GOLGA1: variants seen among roughly 807,000 people sequenced by gnomAD.
The protein encoded by GOLGA1 is golgin subfamily A member 1.
A neutral mutation model predicts 119.7 loss-of-function variants in GOLGA1; 63 were observed. The ratio of observed to expected loss-of-function variants is 0.53; its 90% CI spans 0.43 to 0.65. The LOEUF is 0.65. Ranked by LOEUF, GOLGA1 falls within the 30% of genes least tolerant of loss-of-function variation. The probability of loss-of-function intolerance (pLI) is 0.00; values close to 1 mark genes in which losing one functional copy is unlikely to be tolerated. For missense variants in GOLGA1, 798 were observed against 912.8 expected, an observed-to-expected ratio of 0.87 and a Z score of 1.62; for synonymous variants, 318 against 333.4, an observed-to-expected ratio of 0.95 and a Z score of 0.50.
chr9:124,882,652 TC>T lies in GOLGA1; in HGVS notation c.1906-84del, dbSNP rs1444653900. ...AAACAGACCCGAAGATCCCACGGGA[TC>T]CCCTGTACACCTGTGAGGAGCCTCT... On this transcript the variant is annotated intron_variant, in intron 19 of 22. Coordinates refer to ENST00000373555, the MANE Select transcript of GOLGA1 (RefSeq NM_002077.4). 17 of 1,085,958 alleles carry T rather than the reference TC, an allele frequency of 1.6e-5. No individual in the cohort carries two copies. The African/African-American group carries it at 2.3e-4, about 15-fold the overall frequency. 67.3% of individuals were successfully genotyped at this position (1,085,958 alleles called of 1,614,324 possible). A position where few individuals can be genotyped will look rare whatever the true frequency, so the allele number is the denominator to read the frequency against.
At chr9:124,937,189 C>T (rs7872498) in intron 3 of GOLGA1, among the ~76,000 whole-genome samples, 81,357 of 152,036 alleles carry the variant, frequency 0.54, 22,561 homozygotes, top group Non-Finnish European at 0.58. Context: ...TGTGGTGGCT[C>T]ACCCCTGTAA....
At position 124,925,791 on chromosome 9, in the gene GOLGA1, A is replaced by T. The variant is rs80138641; in HGVS notation, c.432+918T>A. Among the ~76,000 whole-genome samples the T allele has an allele frequency of 4.8e-3, 728 of 152,330 alleles. 6 individuals are homozygous for T. Among genetic ancestry groups the T allele is most frequent in the African/African-American group, 0.016 (677 of 41,570 alleles). ...GAAAGTAAAGTTAACTTGGTGTTTT[A>T]TGGAAAAAAAATAGTTGACACTAAT... On this transcript the variant is annotated intron_variant, in intron 7 of 22. Transcript: ENST00000373555.
chr9:124,886,576 C>T (rs574241903), intron 19 of GOLGA1, among the ~76,000 whole-genome samples: 5 of 152,110 alleles, frequency 3.3e-5, no homozygotes, highest in South Asian at 4.2e-4. Context: ...CATGTCAGCA[C>T]GGCAGGTGAG....
At chr9:124,929,996 A>G (rs1405276586) in intron 4 of GOLGA1, among the ~76,000 whole-genome samples, 4 of 152,158 alleles carry the variant, frequency 2.6e-5, no homozygotes, top group Admixed American at 1.3e-4. Flanking sequence ...GATGATATTA[A>G]TTGTACCTAC....
intron 10 of GOLGA1, among the ~76,000 whole-genome samples, chr9:124,912,643 C>T (rs1036469290): frequency 2.4e-4 from 36 of 152,230 alleles, no homozygotes; most frequent in African/African-American, 6.5e-4. Context: ...CCTGGGTTTA[C>T]GCCATTCTCC....
chr9:124,939,174 C>T (rs1206870158), intron 2 of GOLGA1, among the ~76,000 whole-genome samples: 2 of 151,642 alleles, frequency 1.3e-5, no homozygotes, highest in African/African-American at 4.9e-5. Context: ...TTGGCTATGA[C>T]ATATAACACA....
At chr9:124,927,616 T>C (rs1244640053) in intron 6 of GOLGA1, among the ~76,000 whole-genome samples, 5 of 152,246 alleles carry the variant, frequency 3.3e-5, no homozygotes, top group Admixed American at 2.0e-4. Flanking sequence ...ATCTATTATT[T>C]TGAACAAAAT....
intron 3 of GOLGA1, among the ~76,000 whole-genome samples, chr9:124,933,508 C>T (rs1247746719): frequency 6.6e-6 from 1 of 152,092 alleles, no homozygotes; most frequent in Non-Finnish European, 1.5e-5. Flanking sequence ...GTAACCTCTG[C>T]CTCTTGGGTT....
chr9:124,919,241 C>G (rs997269508), intron 10 of GOLGA1, among the ~76,000 whole-genome samples: 3 of 151,452 alleles, frequency 2.0e-5, no homozygotes, highest in Non-Finnish European at 4.4e-5. Flanking sequence ...GGTGAAAGAG[C>G]AAGACCGTGT....
chr9:124,883,998 A>G (rs760677003), intron 19 of GOLGA1, among the ~76,000 whole-genome samples: 6 of 152,040 alleles, frequency 3.9e-5, no homozygotes, highest in Admixed American at 6.6e-5. Flanking sequence ...TAAAAACTTC[A>G]TAATATAGGG....
At chr9:124,928,957 A>C (rs1314353564) in intron 5 of GOLGA1, among the ~76,000 whole-genome samples, 3 of 152,178 alleles carry the variant, frequency 2.0e-5, no homozygotes, top group African/African-American at 7.2e-5. Flanking sequence ...GGGTAGCCTA[A>C]ATAAAGGGGT....
upstream of GOLGA1, chr9:124,945,007 A>C (rs376947604): frequency 6.6e-6 from 1 of 152,328 alleles, no homozygotes; most frequent in Admixed American, 6.5e-5. Context: ...CTAGGAGAAA[A>C]GTATAAAACC....
chr9:124,909,374 G>A (rs568539791), intron 11 of GOLGA1, among the ~76,000 whole-genome samples: 3 of 151,616 alleles, frequency 2.0e-5, no homozygotes, highest in African/African-American at 7.3e-5. Context: ...TTGGGAAGCC[G>A]ACGTGGACAG....
At chr9:124,914,713 T>C (rs1253764386) in intron 10 of GOLGA1, among the ~76,000 whole-genome samples, 8 of 152,220 alleles carry the variant, frequency 5.3e-5, no homozygotes, top group Non-Finnish European at 1.2e-4. Context: ...AAACTGAAGC[T>C]TAGGGACTAG....
chr9:124,924,740 G>T (rs374878778), intron 7 of GOLGA1, among the ~76,000 whole-genome samples: 3 of 144,206 alleles, frequency 2.1e-5, no homozygotes, highest in Admixed American at 6.9e-5. Flanking sequence ...AAACTTTAAC[G>T]ATGAAAAGTA....
In GOLGA1 at chr9:124,929,220, C is replaced by T. The variant is rs752609254; in HGVS notation, c.297G>A (p.Gln99=). 4 of 1,579,962 alleles carry T rather than the reference C, an allele frequency of 2.5e-6. No individual in the cohort carries two copies. Among genetic ancestry groups the T allele is most frequent in the South Asian group, 2.2e-5 (2 of 90,398 alleles). Residue 99 remains glutamine, a synonymous_variant, in exon 5 of 23, where the codon CAG becomes CAA. Transcript: ENST00000373555. ...EKLEIALEKH[Q]DSSMRKFQEQ... is the part of the protein sequence containing the mutation. The stretch of plus-strand genomic sequence containing the variant: ...AAGCAGGAAAAAAATACGTACAATC[C>T]TGGTGTTTTTCTAATGCAATTTCAA...
intron 12 of GOLGA1, among the ~76,000 whole-genome samples, chr9:124,905,798 T>C (rs1830214606): frequency 6.6e-6 from 1 of 152,148 alleles, no homozygotes; most frequent in South Asian, 2.1e-4. Flanking sequence ...GGCAGTTCTC[T>C]AGAATAACCA....
chr9:124,919,194 C>T (rs747225402), intron 10 of GOLGA1, among the ~76,000 whole-genome samples: 1 of 152,044 alleles, frequency 6.6e-6, no homozygotes, highest in East Asian at 1.9e-4. Context: ...GAGGCTGAGG[C>T]TGCAGTGAGC....
Position 124,928,332 on chromosome 9 carries a change from C to T in GOLGA1, c.302-47G>A, listed in dbSNP as rs542478328. 4.0e-5 allele frequency: 40 copies of T among 996,458 alleles called. 1 individual carries two copies. The South Asian group carries it at 4.5e-4, about 11-fold the overall frequency. 61.7% of individuals were successfully genotyped at this position (996,458 alleles called of 1,614,324 possible). Reference sequence around the variant, plus strand: ...TTGAGATATGAAAACACTTCAGAAACAGCATGACAAATAGCCCATGTGATT... The same window carrying T: ...TTGAGATATGAAAACACTTCAGAAATAGCATGACAAATAGCCCATGTGATT... On this transcript the variant is annotated intron_variant, in intron 5 of 22. Coordinates refer to ENST00000373555, the MANE Select transcript of GOLGA1 (RefSeq NM_002077.4).
Sources: gnomAD v4.1 joint callset for allele counts (sites outside exome capture counted in the v4.1 genomes callset) on GRCh38, gnomAD v4.1.1 for gene constraint, MANE v1.5 for transcripts, NCBI Gene and HGNC (gene_info 2026-07-23, HGNC 2026-07-21) for gene names.